The following ATP6V1G1 variants were observed in gnomAD, a reference collection of about 807,000 sequenced individuals.
ATP6V1G1 encodes ATPase H+ transporting V1 subunit G1, also known as V-type proton ATPase subunit G 1.
Under a neutral mutation model 14.2 loss-of-function variants are expected in ATP6V1G1, and 14 were observed. That is an observed-to-expected ratio of 0.99 (90% CI 0.65 to 1.55). ATP6V1G1 has a LOEUF of 1.55. Ranked by LOEUF, ATP6V1G1 falls within the 40% of genes most tolerant of loss-of-function variation. The pLI is 0.00. For missense variants in ATP6V1G1, 137 were observed against 146.4 expected (o/e 0.94, Z 0.33); for synonymous variants, 65 against 53.3 (o/e 1.22, Z -0.96).
chr9:114,594,861 C>CTTTTTTTTTTTTT (rs71997716), intron 2 of ATP6V1G1, among the ~76,000 whole-genome samples: 4 of 110,578 alleles, frequency 3.6e-5, no homozygotes, highest in African/African-American at 3.7e-5. Flanking sequence ...TTCTTTTTTT[C>CTTTTTTTTTTTTT]TTTTTTTTTT....
intron 1 of ATP6V1G1, among the ~76,000 whole-genome samples, chr9:114,590,796 GTTTA>G (rs992200131): frequency 6.6e-6 from 1 of 151,642 alleles, no homozygotes; most frequent in African/African-American, 2.4e-5. Context: ...TATATATTTT[GTTTA>G]TTTATTTTTT....
intron 2 of ATP6V1G1, among the ~76,000 whole-genome samples, chr9:114,593,245 T>G (rs1236003631): frequency 6.6e-6 from 1 of 152,146 alleles, no homozygotes; most frequent in African/African-American, 2.4e-5. Flanking sequence ...TCAGGACTCT[T>G]GGGTGCAGGT....
chr9:114,598,790 T>C lies in ATP6V1G1; in HGVS notation c.*1047T>C, dbSNP rs924580596. ...GAAAGTCTTTGGTTGCAAAATCTTA[T>C]AGGTAAAAACAGTTGAAAGAACATT... On this transcript the variant is annotated 3_prime_UTR_variant, in exon 3 of 3. Coordinates refer to ENST00000374050, the MANE Select transcript of ATP6V1G1 (RefSeq NM_004888.4). Among the ~76,000 whole-genome samples, 16 of 152,252 alleles carry C rather than the reference T, an allele frequency of 1.1e-4. No homozygotes were observed. Among genetic ancestry groups the C allele is most frequent in the South Asian group, 2.1e-4 (1 of 4,822 alleles).
intron 2 of ATP6V1G1, 157 bp downstream of exon 2, chr9:114,592,809 T>C: frequency 2.8e-6 from 2 of 707,184 alleles, no homozygotes; most frequent in Non-Finnish European, 4.7e-6. Flanking sequence ...TCTTTTAGGA[T>C]GATCAGTTTT....
chr9:114,588,458 T>C (rs1845150384), intron 1 of ATP6V1G1, among the ~76,000 whole-genome samples: 1 of 151,940 alleles, frequency 6.6e-6, no homozygotes, highest in South Asian at 2.1e-4. Context: ...TGTGTGTGTT[T>C]CTGATATGTG....
intron 2 of ATP6V1G1, among the ~76,000 whole-genome samples, chr9:114,596,070 AGT>A (rs1034717470): frequency 3.3e-5 from 5 of 152,060 alleles, no homozygotes; most frequent in Admixed American, 1.3e-4. Flanking sequence ...AATTCATGTC[AGT>A]GTGTGTGAAA....
At position 114,593,501 on chromosome 9, in the gene ATP6V1G1, T is replaced by G. The variant is rs1012269860; in HGVS notation, c.183+849T>G. On this transcript the variant is annotated intron_variant, in intron 2 of 2. Coordinates refer to ENST00000374050, the MANE Select transcript of ATP6V1G1 (RefSeq NM_004888.4). ...GCAAAAATTTTGATCAATTTTTTAT[T>G]TTTTCTTTTTAAGAGACAGAGTCAC... Among the ~76,000 whole-genome samples the G allele has an allele frequency of 1.9e-4, 29 of 152,188 alleles. 1 individual carries two copies. The highest frequency in any genetic ancestry group is 5.1e-4 in the African/African-American group (21 of 41,516).
At position 114,587,887 on chromosome 9, in the gene ATP6V1G1, C is replaced by G; in HGVS notation, c.49C>G (p.Arg17Gly). Residue 17 changes from arginine (R) to glycine (G), a missense_variant, in exon 1 of 3, where the codon CGG (arginine) becomes GGG (glycine). Coordinates refer to ENST00000374050, the MANE Select transcript of ATP6V1G1 (RefSeq NM_004888.4). Reference sequence around the variant, plus strand: ...TCAGCAGCTGCTGCAGGCCGAGAAGCGGGCAGCCGAGAAGGTGTCCGAGGC... The same window carrying G: ...TCAGCAGCTGCTGCAGGCCGAGAAGGGGGCAGCCGAGAAGGTGTCCGAGGC... ...GIQQLLQAEK[R>G]AAEKVSEARK... The G allele has an allele frequency of 6.3e-7, 1 of 1,590,576 alleles. No individual in the cohort carries two copies. Among genetic ancestry groups the G allele is most frequent in the East Asian group, 2.3e-5 (1 of 43,918 alleles).
At chr9:114,595,507 A>G (rs1269892563) in intron 2 of ATP6V1G1, among the ~76,000 whole-genome samples, 2 of 152,084 alleles carry the variant, frequency 1.3e-5, no homozygotes, top group African/African-American at 4.8e-5. Flanking sequence ...TACAGAAATT[A>G]GCCGGGCATG....
intron 2 of ATP6V1G1, among the ~76,000 whole-genome samples, chr9:114,595,394 G>A (rs980534371): frequency 6.6e-5 from 10 of 152,250 alleles, no homozygotes; most frequent in African/African-American, 2.4e-4. Context: ...GCTCATGCCT[G>A]TAATGCTAGC....
intron 1 of ATP6V1G1, among the ~76,000 whole-genome samples, chr9:114,590,260 A>ATT (rs71492788): frequency 3.9e-5 from 5 of 129,550 alleles, no homozygotes; most frequent in Admixed American, 1.6e-4. Context: ...TACTTCTCAG[A>ATT]TTTTTTTTTT....
rs1845137775 is a variant in ATP6V1G1, at chr9:114,587,823, C to G, written c.-16C>G. On this transcript the variant is annotated 5_prime_UTR_variant, in exon 1 of 3. Coordinates refer to ENST00000374050, the MANE Select transcript of ATP6V1G1 (RefSeq NM_004888.4). ...TGCCTTAGGCCGCTTGCCTTGCTCT[C>G]AGAATCGCTGCCGCCATGGCTAGTC... 2 of 1,577,568 alleles carry G rather than the reference C, an allele frequency of 1.3e-6. No individual in the cohort carries two copies. The highest frequency in any genetic ancestry group is 1.7e-6 in the Non-Finnish European group (2 of 1,161,518).
At chr9:114,596,772 A>ATT (rs997331592) in intron 2 of ATP6V1G1, among the ~76,000 whole-genome samples, 12 of 152,030 alleles carry the variant, frequency 7.9e-5, no homozygotes, top group Non-Finnish European at 1.5e-4. Context: ...GTTTATTATT[A>ATT]TTTAGGAGTT....
chr9:114,594,853 CTTTTT>C (rs1341574214), intron 2 of ATP6V1G1, among the ~76,000 whole-genome samples: 1 of 117,370 alleles, frequency 8.5e-6, no homozygotes, highest in Non-Finnish European at 1.6e-5. Flanking sequence ...CTTTTCTTTT[CTTTTT>C]TTCTTTTTTT....
At chr9:114,591,775 CAAAT>C (rs755432130) in intron 1 of ATP6V1G1, among the ~76,000 whole-genome samples, 3 of 151,600 alleles carry the variant, frequency 2.0e-5, no homozygotes, top group Non-Finnish European at 2.9e-5. Flanking sequence ...CTTTTGCTCT[CAAAT>C]AAATAGGTTG....
Position 114,592,617 on chromosome 9 carries a change from C to G in ATP6V1G1, c.148C>G (p.Gln50Glu). ...AQAEIEQYRLQREKEFKAKEA... is the reference protein window; with the variant it reads ...AQAEIEQYRLEREKEFKAKEA... ...GGCTGAAATTGAACAGTACCGCCTG[C>G]AGAGGGAGAAAGAATTCAAGGCCAA... is the stretch of plus-strand genomic sequence containing the variant. The change falls in exon 2 of 3, where the codon CAG becomes GAG. Residue 50 changes from glutamine to glutamate, a missense_variant. By Grantham distance (29) the Gln-to-Glu change is conservative. Coordinates refer to ENST00000374050, the MANE Select transcript of ATP6V1G1 (RefSeq NM_004888.4). The G allele has an allele frequency of 6.3e-7, 1 of 1,578,550 alleles. No homozygotes were observed. The highest frequency in any genetic ancestry group is 8.6e-7 in the Non-Finnish European group (1 of 1,161,160).
chr9:114,591,060 C>T (rs12005529), intron 1 of ATP6V1G1, among the ~76,000 whole-genome samples: 14,968 of 152,232 alleles, frequency 0.098, 829 homozygotes, highest in South Asian at 0.14. Context: ...TCTCAAAGTG[C>T]TGGGATTACA....
At chr9:114,592,800 C>G in intron 2 of ATP6V1G1, 148 bp downstream of exon 2, 1 of 740,448 alleles carries the variant, frequency 1.4e-6, no homozygotes, top group South Asian at 1.9e-5. Flanking sequence ...AGGCATCTGT[C>G]TTTTAGGATG....
At chr9:114,595,318 T>A (rs962138697) in intron 2 of ATP6V1G1, among the ~76,000 whole-genome samples, 32 of 152,296 alleles carry the variant, frequency 2.1e-4, no homozygotes, top group Middle Eastern at 3.4e-3. Flanking sequence ...GTTAATGAAA[T>A]GCCCCAGGAG....
Sources: allele counts gnomAD v4.1 joint callset (sites outside exome capture counted in the v4.1 genomes callset), GRCh38; gene constraint gnomAD v4.1.1; transcripts MANE v1.5; gene names NCBI Gene and HGNC (gene_info 2026-07-23, HGNC 2026-07-21).